Variants in CEP250 observed in about 807,000 individuals in gnomAD.
CEP250 encodes the protein centrosome-associated protein CEP250.
A neutral mutation model predicts 315.7 loss-of-function variants in CEP250; 242 were observed. The observed-to-expected ratio is 0.77, with a 90% CI of 0.69 to 0.85. The LOEUF is 0.85. Ranked by LOEUF, CEP250 falls within the 40% of genes least tolerant of loss-of-function variation. The pLI, the probability that CEP250 is intolerant of heterozygous loss-of-function variation, is 0.00. For synonymous variants in CEP250, 1,088 were observed against 1,175.0 expected (o/e 0.93, Z 1.51); for missense variants, 2,515 against 2,886.4 (o/e 0.87, Z 2.95).
At chr20:35,507,432 A>G (rs2064218026) in intron 30 of CEP250, among the ~76,000 whole-genome samples, 1 of 152,202 alleles carries the variant, frequency 6.6e-6, no homozygotes, top group Non-Finnish European at 1.5e-5. Context: ...TCGAGAGTCC[A>G]TGCTGTTCCC....
At chr20:35,463,064 T>A (rs224350) in intron 4 of CEP250, among the ~76,000 whole-genome samples, 151,582 of 152,348 alleles carry the variant, frequency 0.99, 75,417 homozygotes, top group Middle Eastern at 1. Flanking sequence ...ATTTATTTAT[T>A]TATTTTTGAG....
At position 35,486,159 on chromosome 20, in the gene CEP250, C is replaced by T. The variant is rs558942337; in HGVS notation, c.2587-4478C>T. ...CCTCCCAAGTAGCTGGGATTACAGG[C>T]GCATGCTACCACACCTGGCTAATTT... On this transcript the variant is annotated intron_variant, in intron 20 of 34. Transcript: ENST00000397527. 2.6e-5 allele frequency among the ~76,000 whole-genome samples: 4 copies of T among 151,382 alleles called. No individual in the cohort carries two copies. In the South Asian group the frequency reaches 6.3e-4, roughly 24 times the overall value.
At chr20:35,479,927 T>C (rs772681347) in intron 19 of CEP250, 49 bp from the exon 20 acceptor site, 7 of 1,601,064 alleles carry the variant, frequency 4.4e-6, no homozygotes, top group African/African-American at 4.0e-5. Context: ...GAGAATTTTA[T>C]TAGGTAAAAG....
At chr20:35,476,307 GA>G (rs2063171620) in intron 15 of CEP250, 141 bp from the exon 16 acceptor site, 2 of 714,324 alleles carry the variant, frequency 2.8e-6, no homozygotes, top group South Asian at 3.9e-5. Flanking sequence ...TGAATGAAGG[GA>G]AAACTTGTTT....
In CEP250 at chr20:35,492,809, C is replaced by T. The variant is rs547616927; in HGVS notation, c.2890-620C>T. ...GTGGCACTATCTCAGCTCACTGCAA[C>T]CTTCGCCTCCCAGGTTCAAGCAATT... is the stretch of plus-strand genomic sequence containing the variant. On this transcript the variant is annotated intron_variant, in intron 22 of 34. Coordinates refer to ENST00000397527, the MANE Select transcript of CEP250 (RefSeq NM_007186.6). Among the ~76,000 whole-genome samples the T allele has an allele frequency of 3.3e-5, 5 of 152,310 alleles. No homozygotes were observed. In the East Asian group the frequency reaches 9.7e-4, roughly 29 times the overall value.
At chr20:35,490,489 C>T in intron 20 of CEP250, 148 bp from the exon 21 acceptor site, 1 of 526,434 alleles carries the variant, frequency 1.9e-6, no homozygotes, top group Non-Finnish European at 3.2e-6. Context: ...GAATATTAGC[C>T]TTGCTTTACA....
At chr20:35,499,908 A>T in intron 27 of CEP250, 141 bp from the exon 28 acceptor site, 1 of 998,336 alleles carries the variant, frequency 1.0e-6, no homozygotes, top group Non-Finnish European at 1.5e-6. Context: ...ACATGTGTTT[A>T]AAGGAAGTAA....
At chr20:35,469,772 T>C in intron 9 of CEP250, 118 bp from the exon 10 acceptor site, 2 of 551,020 alleles carry the variant, frequency 3.6e-6, no homozygotes, top group South Asian at 2.6e-5. Context: ...CTAAGGGATT[T>C]GGGGGAGGCT....
chr20:35,467,179 G>GGCCCCCCC, intron 8 of CEP250, 107 bp downstream of exon 8: 2 of 534,872 alleles, frequency 3.7e-6, no homozygotes, highest in Non-Finnish European at 7.1e-6. Context: ...GGTGGGTGGG[G>GGCCCCCCC]GAGTTGGTAG....
chr20:35,501,090 C>T (rs2063988827), intron 28 of CEP250, among the ~76,000 whole-genome samples: 1 of 152,132 alleles, frequency 6.6e-6, no homozygotes, highest in Non-Finnish European at 1.5e-5. Flanking sequence ...GAGGATATAT[C>T]CATGTGCCAG....
intron 34 of CEP250, 54 bp from the exon 35 acceptor site, chr20:35,511,307 GAC>G: frequency 6.8e-7 from 1 of 1,464,246 alleles, no homozygotes. Flanking sequence ...GAAGAGCTGG[GAC>G]AACTTCAGGG....
At chr20:35,469,075 T>A (rs1402102986) in intron 9 of CEP250, among the ~76,000 whole-genome samples, 1 of 152,162 alleles carries the variant, frequency 6.6e-6, no homozygotes, top group African/African-American at 2.4e-5. Flanking sequence ...AGACTTTTGC[T>A]GAGTGAGGAG....
intron 14 of CEP250, among the ~76,000 whole-genome samples, chr20:35,474,640 A>C (rs1568775731): frequency 6.6e-6 from 1 of 152,202 alleles, no homozygotes; most frequent in Non-Finnish European, 1.5e-5. Flanking sequence ...AGAAAGGGAA[A>C]TCCAGAATCA....
intron 34 of CEP250, among the ~76,000 whole-genome samples, chr20:35,510,982 C>G (rs2064338507): frequency 6.6e-6 from 1 of 151,782 alleles, no homozygotes; most frequent in Admixed American, 6.6e-5. Flanking sequence ...GGCAACAGAG[C>G]AAGACTCTGT....
At chr20:35,475,736 G>T in intron 15 of CEP250, 90 bp downstream of exon 15, 1 of 1,394,140 alleles carries the variant, frequency 7.2e-7, no homozygotes, top group East Asian at 2.3e-5. Context: ...TTCAAGCCAG[G>T]ATCCCTCATC....
Position 35,462,308 on chromosome 20 carries a change from G to C in CEP250, c.-60G>C, listed in dbSNP as rs548067489. ...TGGCATGGCAATGGTTAGAGACCCT[G>C]CTGGGCGTGAACACCCTCTGGCTAC... On this transcript the variant is annotated 5_prime_UTR_variant, in exon 4 of 35. Coordinates refer to ENST00000397527, the MANE Select transcript of CEP250 (RefSeq NM_007186.6). 1 of 1,405,042 alleles carries C rather than the reference G, an allele frequency of 7.1e-7. No homozygotes were observed. The highest frequency in any genetic ancestry group is 9.7e-7 in the Non-Finnish European group (1 of 1,027,856). The allele number at this position is 1,405,042 out of a possible 1,614,324, so 87.0% of individuals were successfully genotyped here. A position where few individuals can be genotyped will look rare whatever the true frequency, so the allele number is the denominator to read the frequency against.
At position 35,503,996 on chromosome 20, in the gene CEP250, CA is replaced by C; in HGVS notation, c.5628del (p.Val1877TrpfsTer16). The C allele has an allele frequency of 6.2e-7, 1 of 1,609,284 alleles. No individual in the cohort carries two copies. Among genetic ancestry groups the C allele is most frequent in the Middle Eastern group, 1.7e-4 (1 of 6,028 alleles). On this transcript the variant is annotated frameshift_variant, in exon 30 of 35. Coordinates refer to ENST00000397527, the MANE Select transcript of CEP250 (RefSeq NM_007186.6). LOFTEE classifies it high-confidence loss of function. The surrounding 1 kb of genome is among the most constrained non-coding windows in gnomAD (Gnocchi z 4.2). ...EQARRLEEEL[A>X]VEGRRVQALE... ...GCACGAAGGCTGGAGGAAGAGCTGGCAGTGGAGGGACGGCGGGTCCAGGCCC... is the reference window on the plus strand; with the variant it reads ...GCACGAAGGCTGGAGGAAGAGCTGGCGTGGAGGGACGGCGGGTCCAGGCCC...
chr20:35,496,813 A>G (rs2063849989), intron 25 of CEP250, 98 bp downstream of exon 25: 1 of 1,348,566 alleles, frequency 7.4e-7, no homozygotes, highest in Non-Finnish European at 9.9e-7. Flanking sequence ...GAGAGGACCC[A>G]TCTATTTTTC....
rs1261244266 is a variant in CEP250, at chr20:35,504,303, G to A, written c.5934G>A (p.Gln1978=). The A allele has an allele frequency of 1.3e-6, 2 of 1,588,526 alleles. No homozygotes were observed. The highest frequency in any genetic ancestry group is 1.7e-6 in the Non-Finnish European group (2 of 1,167,794). Residue 1978 remains glutamine (Q), a synonymous_variant, in exon 30 of 35, where the codon CAG becomes CAA. Transcript: ENST00000397527. ...TTGGCAAGGCTCATGCTGCCCTGCAGGGGAAAGAGCAGCATCTCCTCGAGC... is the reference window on the plus strand; with the variant it reads ...TTGGCAAGGCTCATGCTGCCCTGCAAGGGAAAGAGCAGCATCTCCTCGAGC... ...EALGKAHAAL[Q]GKEQHLLEQA...
Sources: gnomAD v4.1 joint callset for allele counts (sites outside exome capture counted in the v4.1 genomes callset) on GRCh38, gnomAD v4.1.1 for gene constraint, Gnocchi (gnomAD v3.1) non-coding constraint, MANE v1.5 for transcripts, NCBI Gene and HGNC (gene_info 2026-07-23, HGNC 2026-07-21) for gene names.